LRBA: variants seen among roughly 807,000 people sequenced by gnomAD.
LRBA encodes the protein lipopolysaccharide-responsive and beige-like anchor protein.
Under a neutral mutation model 330.0 loss-of-function variants are expected in LRBA, and 176 were observed. The observed-to-expected ratio is 0.53, with a 90% CI of 0.47 to 0.60. LRBA has a LOEUF of 0.60. Ranked by LOEUF, LRBA falls within the 20% of genes least tolerant of loss-of-function variation. The pLI is 0.00. For missense variants in LRBA, 3,259 were observed against 3,444.8 expected (o/e 0.95, Z 1.35); for synonymous variants, 1,230 against 1,193.0 (o/e 1.03, Z -0.64).
chr4:150,402,791 A>C (rs9307877), intron 47 of LRBA, among the ~76,000 whole-genome samples: 131,373 of 150,114 alleles, frequency 0.88, 57,872 homozygotes, highest in Non-Finnish European at 0.95. Context: ...ATCTCTCTCT[A>C]TATATATAAA....
chr4:150,360,894 C>T (rs1486743919), intron 47 of LRBA, among the ~76,000 whole-genome samples: 2 of 152,164 alleles, frequency 1.3e-5, no homozygotes, highest in Admixed American at 6.5e-5. Context: ...TATGACTATC[C>T]TCTAAATAAT....
chr4:150,384,816 C>A (rs963513932), intron 47 of LRBA, among the ~76,000 whole-genome samples: 1 of 151,310 alleles, frequency 6.6e-6, no homozygotes, highest in African/African-American at 2.4e-5. Flanking sequence ...GAGATAAGGG[C>A]TTTAAATGAT....
intron 37 of LRBA, among the ~76,000 whole-genome samples, chr4:150,680,683 G>A (rs552921537): frequency 8.6e-5 from 13 of 151,936 alleles, no homozygotes; most frequent in South Asian, 2.1e-4. Context: ...TTTTTTCCCC[G>A]GCTTGCAGTT....
chr4:150,596,466 A>G (rs1773497979), intron 38 of LRBA, among the ~76,000 whole-genome samples: 2 of 152,046 alleles, frequency 1.3e-5, no homozygotes, highest in Admixed American at 1.3e-4. Context: ...GCATTTTTAA[A>G]ATGTCCTATC....
In LRBA at chr4:150,770,994, T is replaced by C. The variant is rs140738854; in HGVS notation, c.5581-9147A>G. 3.3e-5 allele frequency among the ~76,000 whole-genome samples: 5 copies of C among 152,314 alleles called. No homozygotes were observed. The East Asian group carries it at 7.7e-4, about 24-fold the overall frequency. ...TCAGGATCAATCACTACTCTTAGCA[T>C]GATAACTCCATTTTTGCCTGAGGAT... is the stretch of plus-strand genomic sequence containing the variant. On this transcript the variant is annotated intron_variant, in intron 34 of 56. Transcript: ENST00000651943.
At chr4:150,312,087 A>G (rs1731148615) in intron 51 of LRBA, among the ~76,000 whole-genome samples, 1 of 152,064 alleles carries the variant, frequency 6.6e-6, no homozygotes, top group Admixed American at 6.6e-5. Context: ...GGGGATTGGG[A>G]TGATCTCTTG....
intron 47 of LRBA, among the ~76,000 whole-genome samples, chr4:150,380,467 T>G (rs1426590685): frequency 6.6e-6 from 1 of 152,114 alleles, no homozygotes; most frequent in Non-Finnish European, 1.5e-5. Flanking sequence ...CCAGGGCTTA[T>G]TCCAGAAACC....
At chr4:150,811,410 T>C (rs1192135368) in intron 31 of LRBA, among the ~76,000 whole-genome samples, 3 of 138,688 alleles carry the variant, frequency 2.2e-5, no homozygotes, top group South Asian at 2.5e-4. Flanking sequence ...CCAGAAAACA[T>C]ATGCATGAGG....
At chr4:150,982,318 A>G (rs979762828) in intron 2 of LRBA, among the ~76,000 whole-genome samples, 1 of 152,192 alleles carries the variant, frequency 6.6e-6, no homozygotes, top group African/African-American at 2.4e-5. Flanking sequence ...AAATCAATAT[A>G]TAGCTATTAA....
At chr4:150,963,819 C>T (rs1738512283) in intron 2 of LRBA, among the ~76,000 whole-genome samples, 2 of 132,810 alleles carry the variant, frequency 1.5e-5, no homozygotes, top group Admixed American at 7.3e-5. Flanking sequence ...AAGTGAGGAG[C>T]GCCTCTTCCC....
chr4:150,893,365 C>T (rs981654489), intron 16 of LRBA, among the ~76,000 whole-genome samples: 6 of 151,732 alleles, frequency 4.0e-5, no homozygotes, highest in African/African-American at 4.8e-5. Flanking sequence ...TTTTTTTGTG[C>T]GGGGGGGCAG....
At chr4:150,814,611 A>C (rs1744277792) in intron 31 of LRBA, among the ~76,000 whole-genome samples, 1 of 151,944 alleles carries the variant, frequency 6.6e-6, no homozygotes, top group South Asian at 2.1e-4. Flanking sequence ...ACTTGAAATA[A>C]CTGAAAAAGC....
chr4:150,791,937 G>C (rs1441580878), intron 34 of LRBA, among the ~76,000 whole-genome samples: 3 of 144,730 alleles, frequency 2.1e-5, no homozygotes, highest in African/African-American at 7.7e-5. Flanking sequence ...GCTGAGGCAG[G>C]AGAATGGCAT....
At chr4:150,477,014 C>G (rs1756790941) in intron 42 of LRBA, among the ~76,000 whole-genome samples, 1 of 152,172 alleles carries the variant, frequency 6.6e-6, no homozygotes, top group Non-Finnish European at 1.5e-5. Context: ...CTTAATGGCC[C>G]TGACTTGTAG....
chr4:150,617,777 C>T (rs2126610793), intron 37 of LRBA, among the ~76,000 whole-genome samples: 1 of 152,226 alleles, frequency 6.6e-6, no homozygotes, highest in East Asian at 1.9e-4. Context: ...GCTATAGCCA[C>T]TAAACCTCGT....
At chr4:150,538,814 CA>C (rs35022729) in intron 40 of LRBA, among the ~76,000 whole-genome samples, 327 of 101,234 alleles carry the variant, frequency 3.2e-3, no homozygotes, top group East Asian at 8.1e-3. Flanking sequence ...GGCCCTGTCT[CA>C]AAAAAAAAAA....
intron 36 of LRBA, among the ~76,000 whole-genome samples, chr4:150,694,644 A>T (rs947076048): frequency 3.9e-5 from 6 of 152,054 alleles, no homozygotes; most frequent in African/African-American, 1.4e-4. Context: ...TTCTCTCAGC[A>T]TGAAAAAGCC....
chr4:150,608,762 C>T (rs1330813019), intron 37 of LRBA, among the ~76,000 whole-genome samples: 1 of 152,204 alleles, frequency 6.6e-6, no homozygotes, highest in South Asian at 2.1e-4. Flanking sequence ...TCCACATCTT[C>T]CCTTCCTCCC....
At chr4:150,728,209 T>G (rs1301406139) in intron 36 of LRBA, among the ~76,000 whole-genome samples, 1 of 151,962 alleles carries the variant, frequency 6.6e-6, no homozygotes. Context: ...GAGTGAAGCC[T>G]TAATAAAAAG....
Sources: gnomAD v4.1 joint callset for allele counts (sites outside exome capture counted in the v4.1 genomes callset) on GRCh38, gnomAD v4.1.1 for gene constraint, MANE v1.5 for transcripts, NCBI Gene and HGNC (gene_info 2026-07-23, HGNC 2026-07-21) for gene names.